The following RAP2A variants were observed in gnomAD, a reference collection of about 807,000 sequenced individuals.
RAP2A encodes the protein ras-related protein Rap-2a.
A neutral mutation model predicts 15.1 loss-of-function variants in RAP2A; 5 were observed. The observed-to-expected ratio is 0.33, with a 90% confidence interval of 0.17 to 0.70. RAP2A has a LOEUF of 0.70. RAP2A is among the 30% of genes least tolerant of loss of function. The pLI, the probability that RAP2A is intolerant of heterozygous loss-of-function variation, is 0.68. For missense variants in RAP2A, 111 were observed against 240.3 expected (o/e 0.46, Z 3.56); for synonymous variants, 110 against 99.7 (o/e 1.10, Z -0.62).
At chr13:97,449,977 T>G (rs2066695585) in intron 1 of RAP2A, among the ~76,000 whole-genome samples, 1 of 151,740 alleles carries the variant, frequency 6.6e-6, no homozygotes, top group Non-Finnish European at 1.5e-5. Context: ...TTTTTTTTTT[T>G]AAGTTTTATT....
At position 97,467,528 on chromosome 13, in the gene RAP2A, A is replaced by G. The variant is rs1488736232; in HGVS notation, c.*3086A>G. On this transcript the variant is annotated 3_prime_UTR_variant, in exon 2 of 2. Coordinates refer to ENST00000245304, the MANE Select transcript of RAP2A (RefSeq NM_021033.7). ...GAATGTTAATGTTGTCAGTGTATGT[A>G]TGAATATGAAAGTGCTTTGTTTTGT... 1 of 152,624 alleles carries G rather than the reference A, an allele frequency of 6.6e-6. No individual in the cohort carries two copies. The highest frequency in any genetic ancestry group is 1.5e-5 in the Non-Finnish European group (1 of 68,030). 9.5% of individuals were successfully genotyped at this position (152,624 alleles called of 1,614,324 possible).
At chr13:97,443,875 T>C (rs1175130555) in intron 1 of RAP2A, among the ~76,000 whole-genome samples, 1 of 152,246 alleles carries the variant, frequency 6.6e-6, no homozygotes, top group Non-Finnish European at 1.5e-5. Context: ...TTGACATTCC[T>C]TGCATTTTAA....
At chr13:97,450,485 G>A (rs959042825) in intron 1 of RAP2A, among the ~76,000 whole-genome samples, 5 of 151,946 alleles carry the variant, frequency 3.3e-5, no homozygotes, top group African/African-American at 7.3e-5. Flanking sequence ...ATATGTGCCC[G>A]AGCTTCAGTT....
intron 1 of RAP2A, among the ~76,000 whole-genome samples, chr13:97,457,531 T>G (rs1034409112): frequency 1.4e-4 from 22 of 152,136 alleles, no homozygotes; most frequent in African/African-American, 5.3e-4. Flanking sequence ...TCATATACGC[T>G]AATGGAGGAC....
chr13:97,446,419 A>C (rs1843827358), intron 1 of RAP2A, among the ~76,000 whole-genome samples: 1 of 152,300 alleles, frequency 6.6e-6, no homozygotes, highest in Admixed American at 6.5e-5. Context: ...TGAACTGGAA[A>C]TGTTGCTCAG....
intron 1 of RAP2A, among the ~76,000 whole-genome samples, chr13:97,442,260 TATTAA>T (rs753693492): frequency 1.3e-5 from 2 of 152,176 alleles, no homozygotes; most frequent in African/African-American, 2.4e-5. Context: ...TCATGGTATG[TATTAA>T]ATTCTTTCTC....
chr13:97,438,657 G>A (rs543444611), intron 1 of RAP2A, among the ~76,000 whole-genome samples: 1 of 151,946 alleles, frequency 6.6e-6, no homozygotes, highest in African/African-American at 2.4e-5. Context: ...CCCCTTTCCT[G>A]TCTTCCCTTA....
chr13:97,437,126 C>G (rs758034748), intron 1 of RAP2A: 1 of 152,150 alleles, frequency 6.6e-6, no homozygotes, highest in Non-Finnish European at 1.5e-5. Flanking sequence ...TTAAAAATAA[C>G]ATAAATATAT....
At chr13:97,463,644 C>T (rs1258574751) in intron 1 of RAP2A, among the ~76,000 whole-genome samples, 1 of 152,092 alleles carries the variant, frequency 6.6e-6, no homozygotes, top group Admixed American at 6.6e-5. Flanking sequence ...AGCTGGAGTG[C>T]GGTGGCACGA....
At chr13:97,446,434 G>GTAAA (rs778804961) in intron 1 of RAP2A, among the ~76,000 whole-genome samples, 5 of 152,094 alleles carry the variant, frequency 3.3e-5, no homozygotes, top group Admixed American at 2.0e-4. Flanking sequence ...GCTCAGTTTT[G>GTAAA]AAAGATGACA....
At chr13:97,446,144 G>C (rs188695901) in intron 1 of RAP2A, among the ~76,000 whole-genome samples, 3 of 151,852 alleles carry the variant, frequency 2.0e-5, no homozygotes, top group African/African-American at 7.3e-5. Flanking sequence ...CTTTTATCTG[G>C]GACAGTTCAG....
At chr13:97,451,816 A>C (rs114166170) in intron 1 of RAP2A, among the ~76,000 whole-genome samples, 2,870 of 151,288 alleles carry the variant, frequency 0.019, 162 homozygotes, top group African/African-American at 0.064. Context: ...CAGTCTTTTT[A>C]ATTTTAATCA....
chr13:97,435,359 G>A (rs2066628787), intron 1 of RAP2A, among the ~76,000 whole-genome samples: 1 of 150,252 alleles, frequency 6.7e-6, no homozygotes, highest in Non-Finnish European at 1.5e-5. Flanking sequence ...ATGGGGTTTC[G>A]AGAATATTAA....
intron 1 of RAP2A, among the ~76,000 whole-genome samples, chr13:97,459,213 G>GT (rs1263267696): frequency 6.6e-6 from 1 of 151,940 alleles, no homozygotes; most frequent in Non-Finnish European, 1.5e-5. Context: ...ACATTGAACA[G>GT]TTTGAGAATT....
At chr13:97,455,280 A>G (rs2066718346) in intron 1 of RAP2A, among the ~76,000 whole-genome samples, 1 of 151,100 alleles carries the variant, frequency 6.6e-6, no homozygotes, top group Non-Finnish European at 1.5e-5. Context: ...AGAGCATTTT[A>G]TTTTTCTGTT....
chr13:97,439,794 A>G (rs2066649449), intron 1 of RAP2A, among the ~76,000 whole-genome samples: 1 of 152,192 alleles, frequency 6.6e-6, no homozygotes, highest in South Asian at 2.1e-4. Flanking sequence ...GTTGTAAGAT[A>G]CACAGTGGAG....
At chr13:97,458,200 T>C (rs538609737) in intron 1 of RAP2A, among the ~76,000 whole-genome samples, 10 of 152,314 alleles carry the variant, frequency 6.6e-5, no homozygotes, top group African/African-American at 2.2e-4. Context: ...TTTAACTGTG[T>C]GAAAAGATGA....
intron 1 of RAP2A, among the ~76,000 whole-genome samples, chr13:97,441,513 G>C (rs1217280341): frequency 1.3e-5 from 2 of 152,062 alleles, no homozygotes; most frequent in African/African-American, 4.8e-5. Flanking sequence ...CATATATTAT[G>C]CATGTATATG....
chr13:97,453,478 A>G (rs2066710881), intron 1 of RAP2A, among the ~76,000 whole-genome samples: 1 of 151,398 alleles, frequency 6.6e-6, no homozygotes, highest in African/African-American at 2.4e-5. Flanking sequence ...GTCATACAGA[A>G]TGTAACCTGT....
Sources: allele counts gnomAD v4.1 joint callset (sites outside exome capture counted in the v4.1 genomes callset), GRCh38; gene constraint gnomAD v4.1.1; transcripts MANE v1.5; gene names NCBI Gene and HGNC (gene_info 2026-07-23, HGNC 2026-07-21).